Variants in RANBP3 observed in about 807,000 individuals in gnomAD.
RANBP3 encodes the protein ran-binding protein 3.
In RANBP3, 14 loss-of-function variants were observed where a neutral mutation model predicts 77.3. That is an observed-to-expected ratio of 0.18 (90% CI 0.12 to 0.28). RANBP3 has a LOEUF of 0.28. RANBP3 is among the 10% of genes least tolerant of loss of function. The pLI is 1.00. For synonymous variants in RANBP3, 315 were observed against 312.4 expected, an observed-to-expected ratio of 1.01 and a Z score of -0.09; for missense variants, 586 against 752.3, an observed-to-expected ratio of 0.78 and a Z score of 2.59.
At chr19:5,929,271 CACA>C (rs1474968233) in intron 8 of RANBP3, among the ~76,000 whole-genome samples, 3 of 152,246 alleles carry the variant, frequency 2.0e-5, no homozygotes, top group Non-Finnish European at 4.4e-5. Context: ...AAATTAAACA[CACA>C]ACGTGTTTGG....
rs774819369 is a variant in RANBP3, at chr19:5,951,406, C to T, written c.269G>A (p.Arg90Gln). 1.7e-5 allele frequency: 27 copies of T among 1,559,954 alleles called. No homozygotes were observed. Among genetic ancestry groups the T allele is most frequent in the Middle Eastern group, 3.7e-4 (2 of 5,434 alleles). The change falls in exon 3 of 17, where the codon CGA (arginine) becomes CAA (glutamine). Residue 90 changes from arginine (R) to glutamine (Q), a missense_variant. By Grantham distance (43) the Arg-to-Gln change is conservative (BLOSUM62 1). Around this residue, in one of 5 missense-constraint regions of RANBP3, gnomAD observed 172 missense variants for 183.4 expected, o/e 0.94. Transcript: ENST00000340578. ...APEAQLPPFP[R>Q]ELAGRSAGGS... Reference sequence around the variant, plus strand: ...GTGTGGACTTACCCCTGCCAGTTCTCGCGGAAAAGGAGGAAGCTGGGCTTC... The same window carrying T: ...GTGTGGACTTACCCCTGCCAGTTCTTGCGGAAAAGGAGGAAGCTGGGCTTC...
chr19:5,968,417 G>A (rs182710047), intron 1 of RANBP3, among the ~76,000 whole-genome samples: 7 of 152,284 alleles, frequency 4.6e-5, no homozygotes, highest in African/African-American at 2.4e-5. Flanking sequence ...AGGCAGCTTC[G>A]GCAAGGATGA....
rs1027784094 is a variant in RANBP3 at position 5,917,902 on chromosome 19, C to G, written c.1552G>C (p.Glu518Gln). 2 of 1,612,938 alleles carry G rather than the reference C, an allele frequency of 1.2e-6. No individual in the cohort carries two copies. Among genetic ancestry groups the G allele is most frequent in the African/African-American group, 2.7e-5 (2 of 74,942 alleles). Residue 518 changes from glutamate to glutamine, a missense_variant, in exon 16 of 17, where the codon GAG (glutamate) becomes CAG (glutamine). By Grantham distance (29) the Glu-to-Gln change is conservative (BLOSUM62 2). Transcript: ENST00000340578. ...ILALRSRVEQ[E>Q]QEAKMPAPEP... is the part of the protein sequence containing the mutation. ...GGCGCGGGCATCTTGGCCTCCTGCT[C>G]CTGCTCCACGCGGCTGCGCAGGGCC... is the stretch of plus-strand genomic sequence containing the variant.
intron 16 of RANBP3, 30 bp downstream of exon 16, chr19:5,917,764 C>T (rs1426754619): frequency 3.2e-6 from 5 of 1,579,246 alleles, no homozygotes; most frequent in Non-Finnish European, 4.3e-6. Context: ...CTCTTTCTAT[C>T]CCCCCCAGGG....
At chr19:5,931,680 G>A (rs2057993753) in intron 7 of RANBP3, 149 bp from the exon 8 acceptor site, 2 of 804,534 alleles carry the variant, frequency 2.5e-6, no homozygotes, top group East Asian at 6.0e-5. Flanking sequence ...GGAAGGACCT[G>A]GTATCTCTAC....
chr19:5,946,924 G>C (rs1019644878), intron 3 of RANBP3, among the ~76,000 whole-genome samples: 1 of 152,198 alleles, frequency 6.6e-6, no homozygotes, highest in African/African-American at 2.4e-5. Flanking sequence ...CCCCAAACAA[G>C]GCAGTGGGTC....
chr19:5,932,431 G>A (rs1240944098), intron 7 of RANBP3, 21 bp downstream of exon 7: 16 of 1,607,902 alleles, frequency 1.0e-5, no homozygotes, highest in South Asian at 8.8e-5. Flanking sequence ...GGGCCTGGGC[G>A]CCAGGGCTGC....
At chr19:5,931,296 G>A (rs2057986743) in intron 8 of RANBP3, 108 bp downstream of exon 8, 1 of 1,350,440 alleles carries the variant, frequency 7.4e-7, no homozygotes, top group Non-Finnish European at 9.9e-7. Context: ...CGTGGAAACT[G>A]CTTGGAACAG....
At chr19:5,948,947 T>C (rs1232397223) in intron 3 of RANBP3, among the ~76,000 whole-genome samples, 1 of 152,198 alleles carries the variant, frequency 6.6e-6, no homozygotes, top group African/African-American at 2.4e-5. Flanking sequence ...CTTCAGACTG[T>C]CTTCTGAAAG....
chr19:5,977,826 G>A (rs1008299762), intron 1 of RANBP3, among the ~76,000 whole-genome samples: 4 of 152,178 alleles, frequency 2.6e-5, no homozygotes, highest in Admixed American at 6.5e-5. Flanking sequence ...ATGGCCACCC[G>A]GCTCCTCTAG....
chr19:5,950,419 T>G (rs1180160622), intron 3 of RANBP3, among the ~76,000 whole-genome samples: 1 of 152,216 alleles, frequency 6.6e-6, no homozygotes, highest in African/African-American at 2.4e-5. Flanking sequence ...AACACAGGAC[T>G]CCAACCCACC....
intron 9 of RANBP3, among the ~76,000 whole-genome samples, chr19:5,927,566 T>C (rs2057929121): frequency 6.6e-6 from 1 of 152,218 alleles, no homozygotes; most frequent in African/African-American, 2.4e-5. Context: ...CCAGCCGTAA[T>C]GCTGCTAGTG....
At chr19:5,953,397 T>C (rs1446187974) in intron 2 of RANBP3, among the ~76,000 whole-genome samples, 2 of 152,190 alleles carry the variant, frequency 1.3e-5, no homozygotes, top group African/African-American at 2.4e-5. Context: ...AAAAACCACG[T>C]GCACCAGGGC....
At chr19:5,922,215 T>C (rs1382016282) in intron 13 of RANBP3, among the ~76,000 whole-genome samples, 1 of 152,198 alleles carries the variant, frequency 6.6e-6, no homozygotes. Flanking sequence ...ATAGCATTTG[T>C]ACTATATTTC....
rs1340460727 is a variant in RANBP3, at chr19:5,933,780, C to T, written c.407-301G>A. On this transcript the variant is annotated intron_variant, in intron 5 of 16. Coordinates refer to ENST00000340578, the MANE Select transcript of RANBP3 (RefSeq NM_007322.3). ...TATGACCTGCTGCAGGCTCAGGAGC[C>T]GAGCTGCTCAGCGGCCCTGTACCTG... 8.8e-5 allele frequency: 26 copies of T among 294,202 alleles called. 2 individuals carry two copies. Among genetic ancestry groups the T allele is most frequent in the South Asian group, 1.5e-4 (3 of 19,374 alleles). The allele number at this position is 294,202 out of a possible 1,614,324, so 18.2% of individuals were successfully genotyped here.
intron 9 of RANBP3, among the ~76,000 whole-genome samples, chr19:5,926,332 T>C (rs2145053117): frequency 6.6e-6 from 1 of 152,114 alleles, no homozygotes; most frequent in South Asian, 2.1e-4. Context: ...GGGAATCACT[T>C]GAGGTCAGGA....
At chr19:5,947,706 G>A (rs912479873) in intron 3 of RANBP3, among the ~76,000 whole-genome samples, 14 of 152,218 alleles carry the variant, frequency 9.2e-5, no homozygotes, top group Admixed American at 2.6e-4. Context: ...GGTCGGGAGC[G>A]AGCACTGTGA....
At position 5,933,236 on chromosome 19, in the gene RANBP3, G is replaced by GT. The variant is rs1216248987; in HGVS notation, c.472+177dup. ...GAACACACGACGCTCACAGTCAGGG[G>GT]TCCCAACCTCCCTGCTCAGACAGCC... On this transcript the variant is annotated intron_variant, in intron 6 of 16. Transcript: ENST00000340578. The GT allele has an allele frequency of 7.4e-6, 4 of 540,312 alleles. No homozygotes were observed. In the South Asian group the frequency reaches 1.0e-4, roughly 14 times the overall value. The allele number at this position is 540,312 out of a possible 1,614,324, so 33.5% of individuals were successfully genotyped here. A position where few individuals can be genotyped will look rare whatever the true frequency, so the allele number is the denominator to read the frequency against.
intron 1 of RANBP3, among the ~76,000 whole-genome samples, chr19:5,977,665 G>C (rs2058611724): frequency 1.3e-5 from 2 of 152,212 alleles, no homozygotes; most frequent in South Asian, 2.1e-4. Flanking sequence ...CGGAGGACGA[G>C]GGGGCGGGGA....
Sources: allele counts gnomAD v4.1 joint callset (sites outside exome capture counted in the v4.1 genomes callset), GRCh38; gene constraint gnomAD v4.1.1; regional missense constraint gnomAD v4.1.1; transcripts MANE v1.5; gene names NCBI Gene and HGNC (gene_info 2026-07-23, HGNC 2026-07-21).